Variants in PDE11A observed in about 807,000 individuals in gnomAD.
PDE11A encodes the protein phosphodiesterase 11A, also known as dual 3',5'-cyclic-AMP and -GMP phosphodiesterase 11A.
PDE11A carries 100 observed loss-of-function variants against 100.5 expected under a neutral mutation model. That is an observed-to-expected ratio of 1.00 (90% confidence interval 0.85 to 1.18). PDE11A has a LOEUF of 1.18. Ranked by LOEUF, PDE11A falls within the 50% of genes most tolerant of loss-of-function variation. PDE11A has a pLI of 0.00. For synonymous variants in PDE11A, 381 were observed against 420.8 expected, an observed-to-expected ratio of 0.91 and a Z score of 1.16; for missense variants, 1,141 against 1,152.6, an observed-to-expected ratio of 0.99 and a Z score of 0.15.
intron 2 of PDE11A, among the ~76,000 whole-genome samples, chr2:177,986,708 G>A (rs981464586): frequency 1.3e-5 from 2 of 151,942 alleles, no homozygotes. Context: ...GCGGGCACCT[G>A]TAATCCCAGC....
rs745445262 is a variant in PDE11A at position 177,629,400 on chromosome 2, T to A, written c.*7A>T. Reference sequence around the variant, plus strand: ...AGTCATTTTGCAGCTGCAGCTGACCTGGAGGTTTAGTTCCTGTCTTCCTTG... The same window carrying A: ...AGTCATTTTGCAGCTGCAGCTGACCAGGAGGTTTAGTTCCTGTCTTCCTTG... On this transcript the variant is annotated 3_prime_UTR_variant, in exon 20 of 20. Transcript: ENST00000286063. 3 of 1,613,072 alleles carry A rather than the reference T, an allele frequency of 1.9e-6. No individual in the cohort carries two copies. Among genetic ancestry groups the A allele is most frequent in the African/African-American group, 2.7e-5 (2 of 75,032 alleles).
At chr2:177,636,800 A>C (rs1176446798) in intron 19 of PDE11A, among the ~76,000 whole-genome samples, 1 of 152,164 alleles carries the variant, frequency 6.6e-6, no homozygotes, top group Non-Finnish European at 1.5e-5. Flanking sequence ...ACCACCAAAA[A>C]TGTCTCCAGA....
chr2:177,956,758 T>C (rs1324575592), intron 2 of PDE11A, among the ~76,000 whole-genome samples: 3 of 152,188 alleles, frequency 2.0e-5, no homozygotes, highest in Non-Finnish European at 2.9e-5. Flanking sequence ...ATGTCTTTTG[T>C]AGGGACATGG....
intron 2 of PDE11A, among the ~76,000 whole-genome samples, chr2:177,978,716 C>G (rs2085836833): frequency 1.1e-4 from 1 of 8,834 alleles, no homozygotes; most frequent in African/African-American, 7.6e-4. Context: ...GAAAATGTGG[C>G]ACATATACAC....
At chr2:177,846,948 A>G (rs1304406084) in intron 5 of PDE11A, among the ~76,000 whole-genome samples, 4 of 152,162 alleles carry the variant, frequency 2.6e-5, no homozygotes, top group Non-Finnish European at 4.4e-5. Context: ...CTTGGTTCCA[A>G]GTTCCATGGT....
intron 5 of PDE11A, among the ~76,000 whole-genome samples, chr2:177,871,670 C>G (rs1411764341): frequency 1.3e-5 from 2 of 151,770 alleles, no homozygotes; most frequent in Non-Finnish European, 2.9e-5. Context: ...CCAGCCTGGG[C>G]AACACAGTGA....
chr2:177,875,880 C>A lies in PDE11A; in HGVS notation c.1346G>T (p.Cys449Phe). The change falls in exon 5 of 20, where the codon TGC becomes TTC. Residue 449 changes from cysteine (C) to phenylalanine (F), a missense_variant. By Grantham distance (205) the Cys-to-Phe change is radical (BLOSUM62 -2). Coordinates refer to ENST00000286063, the MANE Select transcript of PDE11A (RefSeq NM_016953.4). Reference sequence around the variant, plus strand: ...CTACCTGTTCTCAGCATCAGCACTGCACTTTGGGGACATCAATTCAAAGGA... The same window carrying A: ...CTACCTGTTCTCAGCATCAGCACTGAACTTTGGGGACATCAATTCAAAGGA... ...TKSFELMSPK[C>F]SADAENSFKE... The A allele has an allele frequency of 3.1e-6, 5 of 1,612,010 alleles. No homozygotes were observed. Among genetic ancestry groups the A allele is most frequent in the Non-Finnish European group, 4.2e-6 (5 of 1,178,098 alleles).
chr2:177,680,921 G>C lies in PDE11A; in HGVS notation c.2346-18C>G. 7.0e-7 allele frequency: 1 copy of C among 1,431,956 alleles called. No homozygotes were observed. Among genetic ancestry groups the C allele is most frequent in the Middle Eastern group, 1.8e-4 (1 of 5,676 alleles). 88.7% of individuals were successfully genotyped at this position (1,431,956 alleles called of 1,614,324 possible). ...TTCTCCTCCTGCAGGAAAATCAAAT[G>C]AAGAAAGAAAGAAAAAAAAAACTGG... On this transcript the variant is annotated intron_variant, in intron 15 of 19. Transcript: ENST00000286063.
At chr2:177,787,703 G>A (rs1478582154) in intron 9 of PDE11A, among the ~76,000 whole-genome samples, 5 of 133,392 alleles carry the variant, frequency 3.7e-5, no homozygotes, top group African/African-American at 1.4e-4. Context: ...GATCTACCAA[G>A]CAAATGGAAA....
chr2:177,818,103 C>T (rs1293029380), intron 7 of PDE11A, among the ~76,000 whole-genome samples, 178 bp from the exon 8 acceptor site: 3 of 152,034 alleles, frequency 2.0e-5, no homozygotes, highest in Non-Finnish European at 2.9e-5. Flanking sequence ...ACAATGCACT[C>T]TCTCTTCAAG....
At chr2:177,842,581 AAGATGTGATTTT>A (rs1192524972) in intron 5 of PDE11A, among the ~76,000 whole-genome samples, 1 of 152,206 alleles carries the variant, frequency 6.6e-6, no homozygotes, top group African/African-American at 2.4e-5. Context: ...GACGTGGTTT[AAGATGTGATTTT>A]AGAAAGCTTA....
intron 2 of PDE11A, among the ~76,000 whole-genome samples, chr2:177,915,259 G>A (rs573363422): frequency 8.6e-5 from 13 of 152,034 alleles, no homozygotes; most frequent in Non-Finnish European, 1.6e-4. Flanking sequence ...CACATTATTC[G>A]GATTTTGACA....
At chr2:177,902,080 C>T (rs1025045380) in intron 3 of PDE11A, among the ~76,000 whole-genome samples, 7 of 152,166 alleles carry the variant, frequency 4.6e-5, no homozygotes, top group African/African-American at 1.4e-4. Flanking sequence ...CCTCTGAGCC[C>T]AAGCTAAGCC....
chr2:177,784,950 T>C (rs1327604509), intron 9 of PDE11A, among the ~76,000 whole-genome samples: 1 of 152,232 alleles, frequency 6.6e-6, no homozygotes, highest in Admixed American at 6.5e-5. Flanking sequence ...GATTAACTGC[T>C]GTATAGATTA....
intron 5 of PDE11A, among the ~76,000 whole-genome samples, chr2:177,842,573 C>G (rs370394303): frequency 6.6e-6 from 1 of 152,158 alleles, no homozygotes; most frequent in Non-Finnish European, 1.5e-5. Flanking sequence ...AGGGAAGTGA[C>G]GTGGTTTAAG....
chr2:177,674,084 G>C (rs961773026), intron 17 of PDE11A, among the ~76,000 whole-genome samples: 1 of 152,138 alleles, frequency 6.6e-6, no homozygotes, highest in Non-Finnish European at 1.5e-5. Flanking sequence ...AATGCTGACT[G>C]ATGCATCATG....
Position 177,781,892 on chromosome 2 carries a change from T to C in PDE11A, c.1738-12519A>G, listed in dbSNP as rs567725200. Among the ~76,000 whole-genome samples, 109 of 152,324 alleles carry C rather than the reference T, an allele frequency of 7.2e-4. 2 individuals are homozygous for C. Among genetic ancestry groups the C allele is most frequent in the African/African-American group, 2.6e-3 (108 of 41,582 alleles). ...AGGTATGAAGCCAACTCTCCAGTGG[T>C]TTGAGTGGGCCCTCAACTTGGGATG... On this transcript the variant is annotated intron_variant, in intron 9 of 19. Transcript: ENST00000286063.
intron 17 of PDE11A, among the ~76,000 whole-genome samples, chr2:177,672,597 G>A (rs976632399): frequency 2.0e-5 from 3 of 152,148 alleles, no homozygotes; most frequent in Non-Finnish European, 4.4e-5. Flanking sequence ...ATAACTAAAA[G>A]CTAACAATGT....
chr2:177,764,639 T>G (rs62183040), intron 10 of PDE11A, among the ~76,000 whole-genome samples: 13,728 of 152,270 alleles, frequency 0.09, 638 homozygotes, highest in Middle Eastern at 0.16. Context: ...ATTGTCAATG[T>G]GGTCTTTATA....
Sources: gnomAD v4.1 joint callset for allele counts (sites outside exome capture counted in the v4.1 genomes callset) on GRCh38, gnomAD v4.1.1 for gene constraint, MANE v1.5 for transcripts, NCBI Gene and HGNC (gene_info 2026-07-23, HGNC 2026-07-21) for gene names.